The following PIGL variants were observed in gnomAD, a reference collection of about 807,000 sequenced individuals.
PIGL encodes the protein phosphatidylinositol glycan anchor biosynthesis class L.
A neutral mutation model predicts 31.1 loss-of-function variants in PIGL; 22 were observed. The observed-to-expected ratio is 0.71, with a 90% CI of 0.51 to 1.01. The LOEUF is 1.01. PIGL is among the 50% of genes least tolerant of loss of function. The pLI, the probability that PIGL is intolerant of heterozygous loss-of-function variation, is 0.00. For synonymous variants in PIGL, 131 were observed against 117.4 expected (o/e 1.12, Z -0.75); for missense variants, 302 against 315.9 (o/e 0.96, Z 0.33).
chr17:16,248,585 T>A (rs985935653), intron 2 of PIGL, among the ~76,000 whole-genome samples: 1 of 152,186 alleles, frequency 6.6e-6, no homozygotes, highest in Non-Finnish European at 1.5e-5. Flanking sequence ...AGATGGAGGT[T>A]TTCTCTCCAG....
chr17:16,322,254 C>T (rs974341113), intron 6 of PIGL, among the ~76,000 whole-genome samples: 11 of 151,914 alleles, frequency 7.2e-5, no homozygotes, highest in East Asian at 1.9e-4. Flanking sequence ...CCACTTCGCC[C>T]GGCTAATTTT....
intron 2 of PIGL, among the ~76,000 whole-genome samples, chr17:16,252,260 G>C (rs757896026): frequency 6.6e-6 from 1 of 151,868 alleles, no homozygotes; most frequent in Non-Finnish European, 1.5e-5. Flanking sequence ...TTTTATTAGA[G>C]ACGGTGTTTC....
chr17:16,317,062 A>G (rs191167301), intron 5 of PIGL: 47 of 1,092,306 alleles, frequency 4.3e-5, no homozygotes, highest in Non-Finnish European at 4.7e-5. Flanking sequence ...TGGGTGCTTG[A>G]TGAACCAATC....
chr17:16,227,399 C>T (rs2092656766), intron 1 of PIGL, among the ~76,000 whole-genome samples: 1 of 152,052 alleles, frequency 6.6e-6, no homozygotes, highest in South Asian at 2.1e-4. Context: ...GCGTGAGCCA[C>T]CTCACCCAGT....
chr17:16,309,912 T>G (rs984877119), intron 3 of PIGL, among the ~76,000 whole-genome samples: 3 of 151,814 alleles, frequency 2.0e-5, no homozygotes, highest in African/African-American at 7.3e-5. Context: ...ACCCTGTCTC[T>G]ACTGAAAATA....
chr17:16,292,314 C>T (rs2092964534), intron 2 of PIGL, among the ~76,000 whole-genome samples: 1 of 151,712 alleles, frequency 6.6e-6, no homozygotes, highest in African/African-American at 2.4e-5. Context: ...CACCAATGTG[C>T]CCGGCTGGAA....
chr17:16,296,290 C>A (rs1320316751), intron 2 of PIGL, among the ~76,000 whole-genome samples: 7 of 152,072 alleles, frequency 4.6e-5, no homozygotes, highest in Admixed American at 4.6e-4. Context: ...AAGTGGCCAT[C>A]AAAGAGCTCT....
At chr17:16,246,779 G>A (rs541107676) in intron 2 of PIGL, among the ~76,000 whole-genome samples, 5 of 139,694 alleles carry the variant, frequency 3.6e-5, no homozygotes, top group Non-Finnish European at 4.6e-5. Flanking sequence ...TCTGCTTCCC[G>A]GGTTCACGCC....
intron 2 of PIGL, among the ~76,000 whole-genome samples, chr17:16,297,106 A>G (rs1364891994): frequency 1.3e-5 from 2 of 152,160 alleles, no homozygotes; most frequent in African/African-American, 4.8e-5. Flanking sequence ...AAAATAGGAG[A>G]TAGATTGGGG....
At chr17:16,282,177 C>T (rs188454710) in intron 2 of PIGL, 15 of 409,428 alleles carry the variant, frequency 3.7e-5, no homozygotes, top group East Asian at 7.7e-5. Flanking sequence ...TTTCCTTCAG[C>T]TTTGCCTGCC....
Position 16,305,238 on chromosome 17 carries a change from C to T in PIGL, c.426+5260C>T, listed in dbSNP as rs1034696504. On this transcript the variant is annotated intron_variant, in intron 3 of 6. Coordinates refer to ENST00000225609, the MANE Select transcript of PIGL (RefSeq NM_004278.4). ...GTTGAGGCTGCAGTGAGCATGATCA[C>T]GTCACGTCACTGCACTGCACTGCAG... 4.6e-5 allele frequency among the ~76,000 whole-genome samples: 7 copies of T among 152,180 alleles called. No homozygotes were observed. In the East Asian group the frequency reaches 1.2e-3, roughly 25 times the overall value.
At chr17:16,239,253 G>A (rs901247366) in intron 2 of PIGL, among the ~76,000 whole-genome samples, 2 of 151,016 alleles carry the variant, frequency 1.3e-5, no homozygotes, top group African/African-American at 4.9e-5. Flanking sequence ...GGAGGCCGAG[G>A]CAGGCGGATC....
intron 2 of PIGL, among the ~76,000 whole-genome samples, chr17:16,263,810 C>G (rs1177952208): frequency 6.8e-6 from 1 of 147,532 alleles, no homozygotes; most frequent in Non-Finnish European, 1.5e-5. Context: ...TGTGAGCCAC[C>G]ACACCCAGCC....
intron 2 of PIGL, among the ~76,000 whole-genome samples, chr17:16,297,571 A>T (rs539363461): frequency 6.6e-6 from 1 of 152,274 alleles, no homozygotes; most frequent in African/African-American, 2.4e-5. Flanking sequence ...TCATTCCAAG[A>T]CATTTTCTCT....
rs573688837 is a variant in PIGL, at chr17:16,296,962, C to T, written c.336-2926C>T. ...GTCTCAATCTCCTGACCTCGTGATC[C>T]GCCCGCCTCGGCCTCCCAAAGTGCT... On this transcript the variant is annotated intron_variant, in intron 2 of 6. Transcript: ENST00000225609. Among the ~76,000 whole-genome samples the T allele has an allele frequency of 1.8e-4, 28 of 152,170 alleles. No homozygotes were observed. The South Asian group carries it at 5.4e-3, about 29-fold the overall frequency.
At chr17:16,238,967 T>C (rs1464487956) in intron 2 of PIGL, among the ~76,000 whole-genome samples, 1 of 140,366 alleles carries the variant, frequency 7.1e-6, no homozygotes, top group African/African-American at 2.6e-5. Flanking sequence ...GGTCTTGAAC[T>C]CCTGACCTCA....
intron 2 of PIGL, among the ~76,000 whole-genome samples, chr17:16,243,329 C>T (rs896120484): frequency 6.6e-6 from 1 of 152,168 alleles, no homozygotes; most frequent in African/African-American, 2.4e-5. Flanking sequence ...GGATTACAGG[C>T]GTGAGCCACC....
intron 2 of PIGL, among the ~76,000 whole-genome samples, chr17:16,292,280 C>T (rs1170495001): frequency 6.6e-6 from 1 of 151,740 alleles, no homozygotes; most frequent in African/African-American, 2.4e-5. Context: ...GTGATCCACC[C>T]GCCTCAGCCT....
chr17:16,265,664 C>G (rs1231496710), intron 2 of PIGL, among the ~76,000 whole-genome samples: 1 of 151,734 alleles, frequency 6.6e-6, no homozygotes, highest in African/African-American at 2.4e-5. Flanking sequence ...CGCTTGAACC[C>G]AGGAGGCAGA....
Sources: gnomAD v4.1 joint callset for allele counts (sites outside exome capture counted in the v4.1 genomes callset) on GRCh38, gnomAD v4.1.1 for gene constraint, MANE v1.5 for transcripts, NCBI Gene and HGNC (gene_info 2026-07-23, HGNC 2026-07-21) for gene names.